Variants in GALNT17 observed in about 807,000 individuals in gnomAD.
GALNT17 encodes polypeptide N-acetylgalactosaminyltransferase 17.
A neutral mutation model predicts 63.7 loss-of-function variants in GALNT17; 29 were observed. The observed-to-expected ratio is 0.46, with a 90% CI of 0.34 to 0.62. GALNT17 has a LOEUF of 0.62. GALNT17 is among the 20% of genes least tolerant of loss of function. The pLI is 0.01. For synonymous variants in GALNT17, 305 were observed against 318.3 expected, an observed-to-expected ratio of 0.96 and a Z score of 0.45; for missense variants, 603 against 799.6, an observed-to-expected ratio of 0.75 and a Z score of 2.97.
intron 6 of GALNT17, among the ~76,000 whole-genome samples, chr7:71,577,160 T>C (rs1329237958): frequency 6.6e-6 from 1 of 152,024 alleles, no homozygotes; most frequent in Non-Finnish European, 1.5e-5. Context: ...GAACTAAACA[T>C]TGGGTACCCA....
chr7:71,538,075 T>A (rs1173857316), intron 5 of GALNT17, among the ~76,000 whole-genome samples: 1 of 152,212 alleles, frequency 6.6e-6, no homozygotes, highest in African/African-American at 2.4e-5. Flanking sequence ...CCATCCAGTT[T>A]GTGCTAAGTG....
At chr7:71,484,305 T>G (rs1787872386) in intron 5 of GALNT17, among the ~76,000 whole-genome samples, 2 of 152,086 alleles carry the variant, frequency 1.3e-5, no homozygotes, top group Non-Finnish European at 2.9e-5. Context: ...CTGGGCAACA[T>G]GGCGAAACCT....
chr7:71,454,200 G>A (rs1454760853), intron 5 of GALNT17, among the ~76,000 whole-genome samples: 2 of 152,128 alleles, frequency 1.3e-5, no homozygotes, highest in Non-Finnish European at 2.9e-5. Context: ...CATCACCTAG[G>A]TATTAAGCCC....
chr7:71,192,189 G>A (rs903429814), intron 1 of GALNT17, among the ~76,000 whole-genome samples: 17 of 152,036 alleles, frequency 1.1e-4, no homozygotes, highest in Non-Finnish European at 1.9e-4. Context: ...ACCTTCTTCT[G>A]CCTGTTTCAT....
At chr7:71,665,732 A>T (rs778566918) in intron 7 of GALNT17, 136 bp downstream of exon 7, 3 of 1,001,762 alleles carry the variant, frequency 3.0e-6, no homozygotes, top group Non-Finnish European at 4.3e-6. Flanking sequence ...TTTCAAAGGG[A>T]TTCACAGATG....
intron 6 of GALNT17, among the ~76,000 whole-genome samples, chr7:71,657,303 A>G (rs1196078394): frequency 2.0e-5 from 3 of 152,260 alleles, no homozygotes; most frequent in Non-Finnish European, 2.9e-5. Context: ...TGTGTAAAAT[A>G]TATTAGCATA....
chr7:71,356,389 A>G (rs755171289), intron 2 of GALNT17, among the ~76,000 whole-genome samples: 1 of 151,598 alleles, frequency 6.6e-6, no homozygotes, highest in African/African-American at 2.4e-5. Context: ...TGGATAATTT[A>G]TAAAGAAAAG....
At chr7:71,564,444 G>A (rs58456669) in intron 5 of GALNT17, among the ~76,000 whole-genome samples, 17,715 of 151,348 alleles carry the variant, frequency 0.12, 1,594 homozygotes, top group African/African-American at 0.25. Flanking sequence ...CTACTACCAC[G>A]CCCGGCTCAT....
intron 5 of GALNT17, among the ~76,000 whole-genome samples, chr7:71,432,866 G>A (rs1786892775): frequency 6.6e-6 from 1 of 152,164 alleles, no homozygotes; most frequent in Non-Finnish European, 1.5e-5. Flanking sequence ...CGGGAGTGCA[G>A]TGGCTTGATC....
intron 1 of GALNT17, among the ~76,000 whole-genome samples, chr7:71,286,584 G>A (rs149185303): frequency 1.2e-4 from 18 of 152,136 alleles, no homozygotes; most frequent in Middle Eastern, 3.4e-3. Context: ...AGCCTTTGCC[G>A]CAGCAGGCTG....
intron 5 of GALNT17, among the ~76,000 whole-genome samples, chr7:71,482,075 ATGTATATGTGTGTGTG>A (rs1178980413): frequency 2.5e-5 from 1 of 40,430 alleles, no homozygotes; most frequent in Non-Finnish European, 6.5e-5. Context: ...GTATACATAT[ATGTATATGTGTGTGTG>A]TGTGTGTGTG....
intron 6 of GALNT17, among the ~76,000 whole-genome samples, chr7:71,645,396 A>T (rs1790660691): frequency 6.6e-6 from 1 of 152,042 alleles, no homozygotes; most frequent in Non-Finnish European, 1.5e-5. Context: ...ACAAGATCTG[A>T]TGGTTTTATA....
At chr7:71,636,402 C>T (rs1790529269) in intron 6 of GALNT17, among the ~76,000 whole-genome samples, 1 of 152,056 alleles carries the variant, frequency 6.6e-6, no homozygotes, top group South Asian at 2.1e-4. Flanking sequence ...GGAGGATGGA[C>T]AGATCCAACA....
chr7:71,609,052 A>T (rs1236883788), intron 6 of GALNT17, among the ~76,000 whole-genome samples: 1 of 151,290 alleles, frequency 6.6e-6, no homozygotes, highest in African/African-American at 2.4e-5. Flanking sequence ...AAGTACTGGG[A>T]TTCCAGGTGT....
intron 5 of GALNT17, among the ~76,000 whole-genome samples, chr7:71,487,504 G>A (rs1249614574): frequency 6.6e-6 from 1 of 152,152 alleles, no homozygotes. Flanking sequence ...GGATGAGTCA[G>A]GTCATGCCTA....
intron 1 of GALNT17, among the ~76,000 whole-genome samples, chr7:71,330,158 G>A (rs1791782798): frequency 6.6e-6 from 1 of 151,618 alleles, no homozygotes; most frequent in Non-Finnish European, 1.5e-5. Context: ...GACTACAGGT[G>A]CACACCACCA....
chr7:71,348,544 T>C (rs924806597), intron 2 of GALNT17, among the ~76,000 whole-genome samples: 5 of 152,218 alleles, frequency 3.3e-5, no homozygotes, highest in Admixed American at 2.6e-4. Flanking sequence ...GTCCTGTTTA[T>C]GCAAATGGAT....
At chr7:71,394,099 T>A (rs540486255) in intron 3 of GALNT17, among the ~76,000 whole-genome samples, 2 of 152,298 alleles carry the variant, frequency 1.3e-5, no homozygotes, top group East Asian at 3.9e-4. Flanking sequence ...AGTAATTTAT[T>A]TCACACACGG....
chr7:71,469,125 A>G (rs150006032), intron 5 of GALNT17, among the ~76,000 whole-genome samples: 2 of 152,028 alleles, frequency 1.3e-5, no homozygotes, highest in East Asian at 3.9e-4. Flanking sequence ...CAGAGGAGGG[A>G]AGGTGTTCTG....
Sources: allele counts gnomAD v4.1 joint callset (sites outside exome capture counted in the v4.1 genomes callset), GRCh38; gene constraint gnomAD v4.1.1; transcripts MANE v1.5; gene names NCBI Gene and HGNC (gene_info 2026-07-23, HGNC 2026-07-21).